The following ABCG2 variants were observed in gnomAD, a reference collection of about 807,000 sequenced individuals.
The protein encoded by ABCG2 is broad substrate specificity ATP-binding cassette transporter ABCG2.
In ABCG2, 80 loss-of-function variants were observed where a neutral mutation model predicts 73.5. The observed-to-expected ratio is 1.09, with a 90% CI of 0.91 to 1.31. The LOEUF (loss-of-function observed/expected upper bound fraction) is 1.31, where lower values mean the gene tolerates loss of function less well. Ranked by LOEUF, ABCG2 falls within the 50% of genes most tolerant of loss-of-function variation. The pLI is 0.00. For missense variants in ABCG2, 796 were observed against 786.2 expected (o/e 1.01, Z -0.15); for synonymous variants, 269 against 282.4 (o/e 0.95, Z 0.48).
intron 2 of ABCG2, among the ~76,000 whole-genome samples, chr4:88,134,280 A>C (rs1725097048): frequency 6.6e-6 from 1 of 152,218 alleles, no homozygotes; most frequent in Non-Finnish European, 1.5e-5. Context: ...CTGAGCATTT[A>C]CTGCCTGTTG....
upstream of ABCG2, among the ~76,000 whole-genome samples, chr4:88,160,322 A>G (rs1485315058): frequency 6.6e-6 from 1 of 152,152 alleles, no homozygotes; most frequent in African/African-American, 2.4e-5. Flanking sequence ...ATCTCCGAAA[A>G]ATAAATTTTA....
At chr4:88,199,199 C>T (rs1185563506) in intron 1 of ABCG2, among the ~76,000 whole-genome samples, 1 of 151,944 alleles carries the variant, frequency 6.6e-6, no homozygotes, top group South Asian at 2.1e-4. Flanking sequence ...AAACTCCTGA[C>T]CTCAGGTGAT....
At chr4:88,120,188 G>C (rs1200798572) in intron 6 of ABCG2, among the ~76,000 whole-genome samples, 1 of 152,192 alleles carries the variant, frequency 6.6e-6, no homozygotes, top group Non-Finnish European at 1.5e-5. Context: ...AGATTTCAGA[G>C]GATGTATGGA....
intron 10 of ABCG2, among the ~76,000 whole-genome samples, chr4:88,106,727 A>C (rs991125338): frequency 2.0e-5 from 3 of 152,184 alleles, no homozygotes; most frequent in African/African-American, 7.2e-5. Flanking sequence ...AATGTACTTA[A>C]TGCCACTGAA....
At position 88,113,401 on chromosome 4, in the gene ABCG2, C is replaced by T. The variant is rs1025839459; in HGVS notation, c.1096G>A (p.Glu366Lys). 1 of 1,614,142 alleles carries T rather than the reference C, an allele frequency of 6.2e-7. No individual in the cohort carries two copies. The highest frequency in any genetic ancestry group is 1.3e-5 in the African/African-American group (1 of 75,012). ...EKKKKITVFK[E>K]ISYTTSFCHQ... ...CAGAAGGAGGTGGTGTAGCTGATCT[C>T]CTTGAAGACTGTGATCTTCTTCTTC... Residue 366 changes from glutamate to lysine, a missense_variant, in exon 9 of 16, where the codon GAG (glutamate) becomes AAG (lysine). Coordinates refer to ENST00000237612, the MANE Select transcript of ABCG2 (RefSeq NM_004827.3).
At chr4:88,158,729 G>A (rs1727129607), upstream of ABCG2, 1 of 418,762 alleles carries the variant, frequency 2.4e-6, no homozygotes, top group Non-Finnish European at 4.8e-6. Context: ...ACCACACCCG[G>A]CGCGCCCGAG....
chr4:88,225,642 G>T (rs990197467), intron 1 of ABCG2, among the ~76,000 whole-genome samples: 3 of 152,216 alleles, frequency 2.0e-5, no homozygotes, highest in African/African-American at 7.2e-5. Context: ...CATAAGCTGA[G>T]CATTTTAATA....
Position 88,139,928 on chromosome 4 carries a change from G to A in ABCG2, c.68C>T (p.Thr23Ile), listed in dbSNP as rs1725510660. Residue 23 changes from threonine (T) to isoleucine (I), a missense_variant, in exon 2 of 16, where the codon ACA becomes ATA. Thr to Ile is a moderately conservative substitution (Grantham distance 89). Coordinates refer to ENST00000237612, the MANE Select transcript of ABCG2 (RefSeq NM_004827.3). ...AAATGCCTTCAGGTCATTGGAAGCTGTCGCGGGGAAGCCATTGGTGTTTCC... is the reference window on the plus strand; with the variant it reads ...AAATGCCTTCAGGTCATTGGAAGCTATCGCGGGGAAGCCATTGGTGTTTCC... ...SQGNTNGFPA[T>I]ASNDLKAFTE... The A allele has an allele frequency of 6.2e-7, 1 of 1,614,138 alleles. No homozygotes were observed. The highest frequency in any genetic ancestry group is 8.5e-7 in the Non-Finnish European group (1 of 1,180,012).
intron 1 of ABCG2, among the ~76,000 whole-genome samples, chr4:88,198,453 C>T (rs753146478): frequency 1.3e-5 from 2 of 152,018 alleles, no homozygotes; most frequent in Non-Finnish European, 1.5e-5. Context: ...CAGAACATAG[C>T]GAGATCCAAT....
intron 14 of ABCG2, 60 bp from the exon 15 acceptor site, chr4:88,094,719 A>G (rs1721872431): frequency 1.5e-6 from 2 of 1,316,382 alleles, no homozygotes; most frequent in African/African-American, 2.9e-5. Flanking sequence ...AAGTTTCCAA[A>G]GAGTTATCAC....
chr4:88,205,498 T>C (rs1466549079), intron 1 of ABCG2, among the ~76,000 whole-genome samples: 6 of 152,162 alleles, frequency 3.9e-5, no homozygotes, highest in African/African-American at 9.7e-5. Context: ...AAATGACCCA[T>C]AGATGTACAC....
At chr4:88,191,441 A>G (rs1728689969) in intron 1 of ABCG2, among the ~76,000 whole-genome samples, 1 of 152,044 alleles carries the variant, frequency 6.6e-6, no homozygotes, top group Non-Finnish European at 1.5e-5. Flanking sequence ...TATAATCAAA[A>G]AGACCTACAA....
At chr4:88,223,417 G>T (rs1271405821) in intron 1 of ABCG2, among the ~76,000 whole-genome samples, 1 of 152,104 alleles carries the variant, frequency 6.6e-6, no homozygotes, top group Non-Finnish European at 1.5e-5. Context: ...TTACCTTCAT[G>T]CTGTTCTCGT....
At chr4:88,132,531 T>C in intron 3 of ABCG2, 45 bp downstream of exon 3, 1 of 1,606,970 alleles carries the variant, frequency 6.2e-7, no homozygotes, top group Non-Finnish European at 8.5e-7. Context: ...TAAAAGCACA[T>C]TAAAAGTGCA....
At chr4:88,117,971 G>A in intron 7 of ABCG2, 138 bp downstream of exon 7, 1 of 803,880 alleles carries the variant, frequency 1.2e-6, no homozygotes, top group Non-Finnish European at 1.9e-6. Context: ...AGCACCAAAT[G>A]GAACAAACAC....
intron 1 of ABCG2, among the ~76,000 whole-genome samples, chr4:88,155,347 T>A (rs186351134): frequency 2.0e-5 from 3 of 152,098 alleles, no homozygotes. Flanking sequence ...ACAAGATAGG[T>A]AACAGATGAG....
At chr4:88,160,466 C>G (rs1727246845), upstream of ABCG2, among the ~76,000 whole-genome samples, 1 of 152,132 alleles carries the variant, frequency 6.6e-6, no homozygotes, top group African/African-American at 2.4e-5. Context: ...AGAAAACACA[C>G]ACGAAACTGA....
At chr4:88,208,105 T>A (rs1206163448) in intron 1 of ABCG2, among the ~76,000 whole-genome samples, 1 of 152,240 alleles carries the variant, frequency 6.6e-6, no homozygotes, top group African/African-American at 2.4e-5. Flanking sequence ...TCTTAGTTCA[T>A]TAAACATTTC....
chr4:88,155,413 G>A (rs993358765), intron 1 of ABCG2, among the ~76,000 whole-genome samples: 1 of 152,190 alleles, frequency 6.6e-6, no homozygotes, highest in Non-Finnish European at 1.5e-5. Flanking sequence ...CCTTGAGGCA[G>A]TACAGAGCCA....
Sources: allele counts gnomAD v4.1 joint callset (sites outside exome capture counted in the v4.1 genomes callset), GRCh38; gene constraint gnomAD v4.1.1; transcripts MANE v1.5; gene names NCBI Gene and HGNC (gene_info 2026-07-23, HGNC 2026-07-21).